Variants in TXNDC9 observed in about 807,000 individuals in gnomAD.
TXNDC9 encodes the protein thioredoxin domain-containing protein 9.
A neutral mutation model predicts 23.0 loss-of-function variants in TXNDC9; 7 were observed. The ratio of observed to expected loss-of-function variants is 0.30; its 90% confidence interval spans 0.17 to 0.57. The LOEUF (loss-of-function observed/expected upper bound fraction) is 0.57. TXNDC9 is among the 20% of genes least tolerant of loss of function. TXNDC9 has a pLI of 0.90. For synonymous variants in TXNDC9, 72 were observed against 90.6 expected (o/e 0.79, Z 1.17); for missense variants, 198 against 252.6 (o/e 0.78, Z 1.47).
At chr2:99,335,092 G>GTGTA (rs1344720797) in intron 1 of TXNDC9, among the ~76,000 whole-genome samples, 5 of 152,232 alleles carry the variant, frequency 3.3e-5, no homozygotes, top group African/African-American at 1.2e-4. Flanking sequence ...GCAAGTTTAT[G>GTGTA]TGTATCTCAG....
the TXNDC9 span, among the ~76,000 whole-genome samples, chr2:99,308,665 A>C: frequency 1.3e-5 from 2 of 152,134 alleles, no homozygotes; most frequent in African/African-American, 4.8e-5. Flanking sequence ...ATGTGATTCA[A>C]CTGGAAAGGC....
intron 3 of TXNDC9, among the ~76,000 whole-genome samples, chr2:99,324,104 C>T (rs1439193037): frequency 1.3e-5 from 2 of 152,152 alleles, no homozygotes; most frequent in Admixed American, 6.5e-5. Context: ...CCTCAGCCTC[C>T]CAAAGTGCTG....
rs528602849 is a variant in TXNDC9 at position 99,330,290 on chromosome 2, C to CAAAAAAAAAAAAAA, written c.190-2651_190-2638dup. On this transcript the variant is annotated intron_variant, in intron 2 of 4. Coordinates refer to ENST00000264255, the MANE Select transcript of TXNDC9 (RefSeq NM_005783.4). The stretch of plus-strand genomic sequence containing the variant: ...GGGCAACAGAGCAAGACTCTTATCT[C>CAAAAAAAAAAAAAA]AAAAAAAAAAAAAAAAAAAAAAAAA... Among the ~76,000 whole-genome samples the CAAAAAAAAAAAAAA allele has an allele frequency of 8.1e-3, 229 of 28,162 alleles. 65 individuals carry two copies. Among genetic ancestry groups the CAAAAAAAAAAAAAA allele is most frequent in the Non-Finnish European group, 9.7e-3 (163 of 16,768 alleles). The allele number at this position is 28,162 out of a possible 152,430, so 18.5% of individuals were successfully genotyped here. A position where few individuals can be genotyped will look rare whatever the true frequency, so the allele number is the denominator to read the frequency against.
the TXNDC9 span, among the ~76,000 whole-genome samples, chr2:99,310,721 T>A: frequency 1.3e-5 from 2 of 152,092 alleles, no homozygotes; most frequent in Non-Finnish European, 2.9e-5. Flanking sequence ...TCTTGCTGCC[T>A]TTGAAGATAG....
rs528602849 is a variant in TXNDC9 at position 99,330,290 on chromosome 2, C to CAAAAAAAAAAAAAAAAAAAAAAAAAAAA, written c.190-2665_190-2638dup. On this transcript the variant is annotated intron_variant, in intron 2 of 4. Transcript: ENST00000264255. ...GGGCAACAGAGCAAGACTCTTATCT[C>CAAAAAAAAAAAAAAAAAAAAAAAAAAAA]AAAAAAAAAAAAAAAAAAAAAAAAA... Among the ~76,000 whole-genome samples, 9 of 28,166 alleles carry CAAAAAAAAAAAAAAAAAAAAAAAAAAAA rather than the reference C, an allele frequency of 3.2e-4. 2 individuals carry two copies. The highest frequency in any genetic ancestry group is 5.4e-4 in the Non-Finnish European group (9 of 16,768). The allele number at this position is 28,166 out of a possible 152,430, so 18.5% of individuals were successfully genotyped here. A position where few individuals can be genotyped will look rare whatever the true frequency, so the allele number is the denominator to read the frequency against.
chr2:99,311,155 A>G, the TXNDC9 span, among the ~76,000 whole-genome samples: 1 of 152,104 alleles, frequency 6.6e-6, no homozygotes, highest in Admixed American at 6.6e-5. Flanking sequence ...TCTCCCCAGT[A>G]GCTGGGACTA....
intron 3 of TXNDC9, among the ~76,000 whole-genome samples, chr2:99,323,802 A>G (rs532330839): frequency 2.0e-5 from 3 of 152,304 alleles, no homozygotes; most frequent in Admixed American, 2.0e-4. Flanking sequence ...ACAATCTTTT[A>G]GACCGGTGGT....
intron 1 of TXNDC9, 38 bp downstream of exon 1, chr2:99,336,201 C>T: frequency 2.0e-6 from 2 of 985,232 alleles, no homozygotes; most frequent in Non-Finnish European, 2.4e-6. Context: ...AGCACCCGGA[C>T]GTGGTGGTCG....
At chr2:99,325,811 G>T (rs2105322435) in intron 3 of TXNDC9, among the ~76,000 whole-genome samples, 1 of 152,240 alleles carries the variant, frequency 6.6e-6, no homozygotes, top group East Asian at 1.9e-4. Context: ...AAGAGTTTGA[G>T]ACCAGCCTGG....
chr2:99,308,801 T>C, the TXNDC9 span, among the ~76,000 whole-genome samples: 1 of 151,970 alleles, frequency 6.6e-6, no homozygotes. Flanking sequence ...AAGCTCCGCC[T>C]CCCGGGTTCA....
downstream of TXNDC9, among the ~76,000 whole-genome samples, chr2:99,316,905 C>T (rs998144358): frequency 1.2e-4 from 18 of 152,070 alleles, 1 homozygote; most frequent in South Asian, 8.3e-4. Flanking sequence ...TACAGGCGCC[C>T]GCCACCACGC....
the TXNDC9 span, among the ~76,000 whole-genome samples, chr2:99,308,636 C>A: frequency 6.6e-6 from 1 of 151,662 alleles, no homozygotes; most frequent in Non-Finnish European, 1.5e-5. Flanking sequence ...ATTAGAATAA[C>A]AAGAGGAGGA....
At position 99,327,593 on chromosome 2, in the gene TXNDC9, G is replaced by GA; in HGVS notation, c.249dup (p.Gln84SerfsTer7). The GA allele has an allele frequency of 6.2e-7, 1 of 1,613,324 alleles. No individual in the cohort carries two copies. Among genetic ancestry groups the GA allele is most frequent in the Admixed American group, 1.7e-5 (1 of 59,954 alleles). ...ACATTTTCACTCTCCTTGACTTCTT[G>GA]AAAAAAGTCTCTTTCACTAGGGATT... is the stretch of plus-strand genomic sequence containing the variant. On this transcript the variant is annotated frameshift_variant, in exon 3 of 5. Transcript: ENST00000264255. LOFTEE classifies it high-confidence loss of function.
downstream of TXNDC9, chr2:99,318,867 A>C (rs980092900): frequency 2.6e-5 from 4 of 152,022 alleles, no homozygotes; most frequent in African/African-American, 2.4e-5. Context: ...CTAATAATCT[A>C]CTCTTCCAGA....
chr2:99,306,716 G>A, the TXNDC9 span: 39 of 437,408 alleles, frequency 8.9e-5, no homozygotes, highest in South Asian at 6.0e-4. Flanking sequence ...GCTGAACTGA[G>A]GACATGTGAA....
rs1215508831 is a variant in TXNDC9, at chr2:99,321,966, A to G, written c.552T>C (p.Ile184=). The G allele has an allele frequency of 6.2e-7, 1 of 1,607,004 alleles. No individual in the cohort carries two copies. Among genetic ancestry groups the G allele is most frequent in the Non-Finnish European group, 8.5e-7 (1 of 1,176,740 alleles). The change falls in exon 4 of 5, where the codon ATT becomes ATC. Residue 184 remains isoleucine (I), a synonymous_variant. Coordinates refer to ENST00000264255, the MANE Select transcript of TXNDC9 (RefSeq NM_005783.4). ...TTGTTAAAAGTTACCTGTAATTAAG[A>G]ATGTCAGAAGAACCGAGCCTCCATT... is the stretch of plus-strand genomic sequence containing the variant. ...TLEWRLGSSD[I]LNYSGNLMEP...
At chr2:99,311,217 G>C in the TXNDC9 span, among the ~76,000 whole-genome samples, 1 of 152,076 alleles carries the variant, frequency 6.6e-6, no homozygotes, top group Non-Finnish European at 1.5e-5. Flanking sequence ...TTTCCAACTG[G>C]TCTTCTGACA....
chr2:99,327,739 T>G (rs1574907920), intron 2 of TXNDC9, 86 bp from the exon 3 acceptor site: 3 of 772,832 alleles, frequency 3.9e-6, no homozygotes, highest in East Asian at 5.6e-5. Flanking sequence ...ATCACCATCG[T>G]ATTTTGTAAT....
At chr2:99,330,482 AGC>A (rs1449190014) in intron 2 of TXNDC9, among the ~76,000 whole-genome samples, 1 of 151,904 alleles carries the variant, frequency 6.6e-6, no homozygotes, top group Non-Finnish European at 1.5e-5. Context: ...CTCTTAGCAT[AGC>A]CCCTTTTGGA....
Sources: allele counts gnomAD v4.1 joint callset (sites outside exome capture counted in the v4.1 genomes callset), GRCh38; gene constraint gnomAD v4.1.1; transcripts MANE v1.5; gene names NCBI Gene and HGNC (gene_info 2026-07-23, HGNC 2026-07-21).